Variants in OIP5 observed in about 807,000 individuals in gnomAD.
OIP5 encodes the protein protein Mis18-beta.
A neutral mutation model predicts 20.3 loss-of-function variants in OIP5; 24 were observed. That is an observed-to-expected ratio of 1.18 (90% CI 0.86 to 1.66). The LOEUF (loss-of-function observed/expected upper bound fraction) is 1.66. Ranked by LOEUF, OIP5 falls within the 40% of genes most tolerant of loss-of-function variation. The pLI, the probability that OIP5 is intolerant of heterozygous loss-of-function variation, is 0.00. For missense variants in OIP5, 339 were observed against 289.5 expected, an observed-to-expected ratio of 1.17 and a Z score of -1.24; for synonymous variants, 143 against 121.3, an observed-to-expected ratio of 1.18 and a Z score of -1.17.
chr15:41,320,600 G>C (rs2047817286), intron 2 of OIP5, among the ~76,000 whole-genome samples: 4 of 152,160 alleles, frequency 2.6e-5, no homozygotes, highest in Non-Finnish European at 2.9e-5. Context: ...TGGTGCCCAG[G>C]CTGGAGTGCA....
chr15:41,332,048 G>C (rs898434798), intron 1 of OIP5, 67 bp from the exon 2 acceptor site: 3 of 1,489,962 alleles, frequency 2.0e-6, no homozygotes, highest in Admixed American at 3.4e-5. Context: ...CTCTCCTCTA[G>C]ACAGACTCAT....
intron 3 of OIP5, among the ~76,000 whole-genome samples, chr15:41,318,963 AAAGCATTGGCATTACAGGCG>A (rs2140461519): frequency 6.6e-6 from 1 of 151,998 alleles, no homozygotes; most frequent in Non-Finnish European, 1.5e-5. Context: ...TTGGCCTCAC[AAAGCATTGGCATTACAGGCG>A]CGAGCCATCA....
At chr15:41,312,812 T>C (rs531340095) in intron 4 of OIP5, among the ~76,000 whole-genome samples, 15 of 151,950 alleles carry the variant, frequency 9.9e-5, no homozygotes, top group South Asian at 8.4e-4. Context: ...GTATTTGTAA[T>C]AGAGATGGGG....
intron 1 of OIP5, 103 bp from the exon 2 acceptor site, chr15:41,332,084 C>G: frequency 7.4e-7 from 1 of 1,356,058 alleles, no homozygotes; most frequent in Non-Finnish European, 1.1e-6. Context: ...CAGGAGACTC[C>G]CCGATTCCCT....
intron 2 of OIP5, among the ~76,000 whole-genome samples, chr15:41,328,504 A>G (rs1030638712): frequency 6.6e-6 from 1 of 152,222 alleles, no homozygotes; most frequent in Non-Finnish European, 1.5e-5. Flanking sequence ...GCACAACAAA[A>G]GCTCAGGGTA....
chr15:41,329,504 C>T (rs1436024061), intron 2 of OIP5, among the ~76,000 whole-genome samples: 3 of 151,542 alleles, frequency 2.0e-5, no homozygotes, highest in Non-Finnish European at 2.9e-5. Context: ...TTAGTAGAGA[C>T]GTGGTTTCAC....
At chr15:41,331,831 G>C in intron 2 of OIP5, 84 bp downstream of exon 2, 2 of 1,139,364 alleles carry the variant, frequency 1.8e-6, no homozygotes, top group South Asian at 1.2e-5. Context: ...ATCCCAAACT[G>C]TTTTCTCCTC....
intron 3 of OIP5, among the ~76,000 whole-genome samples, chr15:41,317,710 G>C (rs2140460944): frequency 6.6e-6 from 1 of 152,096 alleles, no homozygotes; most frequent in Middle Eastern, 3.4e-3. Flanking sequence ...ACAGGGTCTT[G>C]CTCTGCTCCC....
At chr15:41,330,701 C>A (rs752855092) in intron 2 of OIP5, among the ~76,000 whole-genome samples, 1 of 152,168 alleles carries the variant, frequency 6.6e-6, no homozygotes, top group Non-Finnish European at 1.5e-5. Flanking sequence ...CCACGCCCGG[C>A]CCGTAATCAG....
chr15:41,321,941 AAAT>A (rs2047832932), intron 2 of OIP5, among the ~76,000 whole-genome samples: 2 of 151,856 alleles, frequency 1.3e-5, no homozygotes, highest in South Asian at 4.1e-4. Flanking sequence ...ATAAATAAAT[AAAT>A]AAATAAAAAA....
intron 2 of OIP5, among the ~76,000 whole-genome samples, chr15:41,324,178 A>G (rs1157674893): frequency 6.6e-6 from 1 of 151,638 alleles, no homozygotes. Context: ...TGTATTTTGT[A>G]GAGACAGCAT....
chr15:41,320,552 T>C (rs1330968792), intron 2 of OIP5, among the ~76,000 whole-genome samples: 2 of 152,182 alleles, frequency 1.3e-5, no homozygotes, highest in African/African-American at 4.8e-5. Flanking sequence ...GGTGCCGGGA[T>C]TGCAGACGGA....
Position 41,332,318 on chromosome 15 carries a change from G to A in OIP5, c.244C>T (p.Gln82Ter), listed in dbSNP as rs750002613. 3.1e-6 allele frequency: 5 copies of A among 1,607,994 alleles called. No individual in the cohort carries two copies. In the South Asian group the frequency reaches 5.5e-5, roughly 18 times the overall value. ...PERCAVFQCAQCHAVLADSVH... is the reference protein window; with the variant it reads ...PERCAVFQCA ...GAGTCGGCGAGCACTGCGTGACACTGTGCGCACTGGAACACAGCGCACCTC... is the reference window on the plus strand; with the variant it reads ...GAGTCGGCGAGCACTGCGTGACACTATGCGCACTGGAACACAGCGCACCTC... Residue 82 changes from glutamine to a stop codon, truncating the protein, a stop_gained, in exon 1 of 5, where the codon CAG becomes TAG. Coordinates refer to ENST00000220514, the MANE Select transcript of OIP5 (RefSeq NM_007280.2). LOFTEE classifies it high-confidence loss of function.
At position 41,332,583 on chromosome 15, in the gene OIP5, C is replaced by T. The variant is rs745972708; in HGVS notation, c.-22G>A. On this transcript the variant is annotated 5_prime_UTR_variant, in exon 1 of 5. Coordinates refer to ENST00000220514, the MANE Select transcript of OIP5 (RefSeq NM_007280.2). The stretch of plus-strand genomic sequence containing the variant: ...CCATCTTCCCGCAGCCGGCGCCTTC[C>T]TTTCGAATACACGCCAGGCCCCGCC... 2.5e-6 allele frequency: 4 copies of T among 1,582,530 alleles called. No homozygotes were observed. Among genetic ancestry groups the T allele is most frequent in the Non-Finnish European group, 2.6e-6 (3 of 1,165,180 alleles).
chr15:41,332,506 T>TC lies in OIP5; in HGVS notation c.55dup (p.Asp19GlyfsTer7), dbSNP rs1235839293. 6.2e-7 allele frequency: 1 copy of TC among 1,613,056 alleles called. No individual in the cohort carries two copies. The highest frequency in any genetic ancestry group is 8.5e-7 in the Non-Finnish European group (1 of 1,179,624). ...CGCCCTCTCAGTGCCACCACAAAAG[T>TC]CCCCCCGGGGCGGCGTTGCACAACG... On this transcript the variant is annotated frameshift_variant, in exon 1 of 5. Transcript: ENST00000220514. LOFTEE classifies it high-confidence loss of function.
chr15:41,332,155 G>A lies in OIP5; in HGVS notation c.322+85C>T. 3.5e-6 allele frequency: 5 copies of A among 1,440,428 alleles called. No homozygotes were observed. In the South Asian group the frequency reaches 6.4e-5, roughly 18 times the overall value. 89.2% of individuals were successfully genotyped at this position (1,440,428 alleles called of 1,614,324 possible). ...ACTTTTCATCCCGTTTTCTTCCCCA[G>A]GTGGTTCTCCGCCACCCGGTGGAGA... is the stretch of plus-strand genomic sequence containing the variant. On this transcript the variant is annotated intron_variant, in intron 1 of 4. Coordinates refer to ENST00000220514, the MANE Select transcript of OIP5 (RefSeq NM_007280.2).
In OIP5 at chr15:41,320,882, G is replaced by A. The variant is rs574985434; in HGVS notation, c.390-1102C>T. 2.9e-3 allele frequency among the ~76,000 whole-genome samples: 433 copies of A among 151,090 alleles called. 2 individuals are homozygous for A. The highest frequency in any genetic ancestry group is 5.2e-3 in the Non-Finnish European group (353 of 67,810). On this transcript the variant is annotated intron_variant, in intron 2 of 4. Transcript: ENST00000220514. ...CCATCCCATCTAGGAAGTGAGGAGC[G>A]TCTCTGCCCGGCCTCCCATGGTCTG... is the stretch of plus-strand genomic sequence containing the variant.
intron 2 of OIP5, among the ~76,000 whole-genome samples, chr15:41,329,113 G>A (rs1044816798): frequency 4.8e-5 from 7 of 146,312 alleles, no homozygotes; most frequent in East Asian, 2.0e-4. Flanking sequence ...ACCCGAGTCT[G>A]CTGTCTCTAA....
Position 41,332,543 on chromosome 15 carries a change from G to C in OIP5, c.19C>G (p.Arg7Gly). 6.2e-7 allele frequency: 1 copy of C among 1,605,390 alleles called. No homozygotes were observed. Among genetic ancestry groups the C allele is most frequent in the South Asian group, 1.1e-5 (1 of 90,428 alleles). MAAQPL[R>G]HRSRCATPPR... ...GGCGTTGCACAACGTGAGCGATGCCGCAGCGGCTGAGCCGCCATCTTCCCG... is the reference window on the plus strand; with the variant it reads ...GGCGTTGCACAACGTGAGCGATGCCCCAGCGGCTGAGCCGCCATCTTCCCG... Residue 7 changes from arginine (R) to glycine (G), a missense_variant, in exon 1 of 5, where the codon CGG becomes GGG. By Grantham distance (125) the Arg-to-Gly change is moderately radical. Coordinates refer to ENST00000220514, the MANE Select transcript of OIP5 (RefSeq NM_007280.2).
Sources: gnomAD v4.1 joint callset for allele counts (sites outside exome capture counted in the v4.1 genomes callset) on GRCh38, gnomAD v4.1.1 for gene constraint, MANE v1.5 for transcripts, NCBI Gene and HGNC (gene_info 2026-07-23, HGNC 2026-07-21) for gene names.